Variants in RASGRP1 observed in about 807,000 individuals in gnomAD.
RASGRP1 encodes RAS guanyl releasing protein 1.
In RASGRP1, 37 loss-of-function variants were observed where a neutral mutation model predicts 95.1. The ratio of observed to expected loss-of-function variants is 0.39; its 90% CI spans 0.30 to 0.51. RASGRP1 has a LOEUF of 0.51. Among genes scored for constraint, RASGRP1 ranks in the 20% least tolerant of loss-of-function variants. RASGRP1 has a pLI of 0.80. For synonymous variants in RASGRP1, 325 were observed against 353.4 expected (o/e 0.92, Z 0.90); for missense variants, 711 against 965.4 (o/e 0.74, Z 3.49).
chr15:38,531,598 CCA>C (rs1435519521), intron 2 of RASGRP1, among the ~76,000 whole-genome samples: 1 of 152,078 alleles, frequency 6.6e-6, no homozygotes, highest in Non-Finnish European at 1.5e-5. Flanking sequence ...CACTGCTTTT[CCA>C]CAGTTTCAGT....
rs1336374157 is a variant in RASGRP1, at chr15:38,526,397, A to G, written c.228T>C (p.Asp76=). 69 of 1,612,662 alleles carry G rather than the reference A, an allele frequency of 4.3e-5. No individual in the cohort carries two copies. The highest frequency in any genetic ancestry group is 5.9e-5 in the Non-Finnish European group (69 of 1,179,108). ...GTTGGTTACTTCGACACAGGTTTCC[A>G]TCTGCATCTGAAAATATAAAGAGCA... ...IDSCIQSFDA[D]GNLCRSNQLL... is the part of the protein sequence containing the mutation. Residue 76 remains aspartate (D), a synonymous_variant, in exon 3 of 17, where the codon GAT becomes GAC. Coordinates refer to ENST00000310803, the MANE Select transcript of RASGRP1 (RefSeq NM_005739.4).
intron 14 of RASGRP1, chr15:38,499,216 C>A: frequency 1.7e-6 from 1 of 587,732 alleles, no homozygotes; most frequent in Non-Finnish European, 3.2e-6. Flanking sequence ...CCTGGTATCC[C>A]ATACATTCTG....
chr15:38,512,677 G>T, intron 7 of RASGRP1, 106 bp downstream of exon 7: 1 of 1,388,702 alleles, frequency 7.2e-7, no homozygotes, highest in Non-Finnish European at 9.9e-7. Context: ...CCTCGCCATG[G>T]TTCAGGAGGG....
intron 10 of RASGRP1, 108 bp downstream of exon 10, chr15:38,505,732 A>G: frequency 2.4e-6 from 2 of 846,732 alleles, no homozygotes; most frequent in Non-Finnish European, 1.9e-6. Context: ...TAAGAAAAAC[A>G]GTACATGTAT....
intron 3 of RASGRP1, among the ~76,000 whole-genome samples, chr15:38,526,010 A>G (rs1268259000): frequency 6.6e-6 from 1 of 152,034 alleles, no homozygotes; most frequent in Non-Finnish European, 1.5e-5. Context: ...TATTTTGCAC[A>G]CTCTACAGAA....
intron 9 of RASGRP1, 94 bp downstream of exon 9, chr15:38,507,632 T>A: frequency 7.3e-7 from 1 of 1,370,782 alleles, no homozygotes; most frequent in Non-Finnish European, 9.9e-7. Context: ...ATAGAGCCTT[T>A]ATGAGGACTA....
rs1221602302 is a variant in RASGRP1 at position 38,564,639 on chromosome 15, C to T, written c.-11G>A. 3 of 1,331,584 alleles carry T rather than the reference C, an allele frequency of 2.3e-6. 1 individual carries two copies. In the South Asian group the frequency reaches 6.6e-5, roughly 29 times the overall value. 82.5% of individuals were successfully genotyped at this position (1,331,584 alleles called of 1,614,324 possible). ...GCCCAGGGTGCCCATGGCCGCGGCC[C>T]GCGCTCCCGGTGCCGGCTCACCTAG... On this transcript the variant is annotated 5_prime_UTR_variant, in exon 1 of 17. Transcript: ENST00000310803.
intron 2 of RASGRP1, among the ~76,000 whole-genome samples, chr15:38,528,819 C>T (rs1335774404): frequency 6.6e-6 from 1 of 152,156 alleles, no homozygotes; most frequent in East Asian, 1.9e-4. Flanking sequence ...GTATCTTCAG[C>T]CTTCGCTACC....
chr15:38,520,810 T>TA (rs1345217530), intron 3 of RASGRP1, among the ~76,000 whole-genome samples: 2 of 152,138 alleles, frequency 1.3e-5, no homozygotes, highest in East Asian at 3.8e-4. Context: ...CAAAGTCCCT[T>TA]AAAAATGCTT....
At chr15:38,500,743 C>T (rs992165966) in intron 13 of RASGRP1, among the ~76,000 whole-genome samples, 3 of 152,098 alleles carry the variant, frequency 2.0e-5, no homozygotes, top group Non-Finnish European at 4.4e-5. Context: ...GATATAGAGC[C>T]TTGCATCAGG....
rs192061370 is a variant in RASGRP1, at chr15:38,507,381, T to C, written c.1242+345A>G. On this transcript the variant is annotated intron_variant, in intron 9 of 16. Coordinates refer to ENST00000310803, the MANE Select transcript of RASGRP1 (RefSeq NM_005739.4). ...TTTTTATGAGAGCACATTCATTCTC[T>C]CCATCTGTTACCAAGACTTGTATCC... Among the ~76,000 whole-genome samples, 7 of 152,324 alleles carry C rather than the reference T, an allele frequency of 4.6e-5. No homozygotes were observed. The East Asian group carries it at 9.6e-4, about 21-fold the overall frequency.
In RASGRP1 at chr15:38,564,735, C is replaced by T. The variant is rs1893968682; in HGVS notation, c.-107G>A. ...TGCCGGCTCTCTCCCCCCCGGGCCT[C>T]GTAGCCCCGGCGCCCGCCAGCCCTC... is the stretch of plus-strand genomic sequence containing the variant. On this transcript the variant is annotated 5_prime_UTR_variant, in exon 1 of 17. Transcript: ENST00000310803. 2 of 996,262 alleles carry T rather than the reference C, an allele frequency of 2.0e-6. No homozygotes were observed. Among genetic ancestry groups the T allele is most frequent in the Admixed American group, 4.9e-5 (1 of 20,432 alleles). The allele number at this position is 996,262 out of a possible 1,614,324, so 61.7% of individuals were successfully genotyped here.
intron 2 of RASGRP1, among the ~76,000 whole-genome samples, chr15:38,550,523 C>T (rs1893299407): frequency 6.6e-6 from 1 of 152,178 alleles, no homozygotes; most frequent in Admixed American, 6.5e-5. Context: ...TCATTACCAT[C>T]ATTTCAGTTG....
intron 2 of RASGRP1, among the ~76,000 whole-genome samples, chr15:38,549,772 G>A (rs1893254461): frequency 6.6e-6 from 1 of 151,618 alleles, no homozygotes; most frequent in African/African-American, 2.4e-5. Context: ...CTGCTTGAAG[G>A]CTCTAGTGAG....
intron 2 of RASGRP1, among the ~76,000 whole-genome samples, chr15:38,528,520 C>T (rs895414480): frequency 3.3e-5 from 5 of 152,160 alleles, no homozygotes; most frequent in African/African-American, 1.2e-4. Context: ...GTTGATGACT[C>T]TCTTTCCTGG....
chr15:38,498,975 G>A (rs773342065), intron 14 of RASGRP1, 29 bp from the exon 15 acceptor site: 1 of 1,613,822 alleles, frequency 6.2e-7, no homozygotes, highest in Admixed American at 1.7e-5. Context: ...GGGTCAAGAA[G>A]TCTTTCACTT....
chr15:38,554,473 C>G (rs2141190121), intron 2 of RASGRP1, among the ~76,000 whole-genome samples: 1 of 152,294 alleles, frequency 6.6e-6, no homozygotes, highest in East Asian at 1.9e-4. Context: ...CACTGTCTAA[C>G]TTACGCATAA....
rs375666536 is a variant in RASGRP1, at chr15:38,516,358, G to C, written c.522-8C>G. Reference sequence around the variant, plus strand: ...GACCAGTCACGGGCATTGCTTTTGTGGGTAAATGTGAAAGGGAGAAGACAG... The same window carrying C: ...GACCAGTCACGGGCATTGCTTTTGTCGGTAAATGTGAAAGGGAGAAGACAG... On this transcript the variant is annotated splice_region_variant and splice_polypyrimidine_tract_variant and intron_variant, in intron 5 of 16. Coordinates refer to ENST00000310803, the MANE Select transcript of RASGRP1 (RefSeq NM_005739.4). 211 of 1,607,060 alleles carry C rather than the reference G, an allele frequency of 1.3e-4. 1 individual carries two copies. In the African/African-American group the frequency reaches 2.4e-3, roughly 18 times the overall value.
At chr15:38,518,214 AG>A in intron 5 of RASGRP1, 77 bp downstream of exon 5, 2 of 1,435,534 alleles carry the variant, frequency 1.4e-6, no homozygotes, top group Non-Finnish European at 1.9e-6. Context: ...GCTGGGGGTC[AG>A]AAGCCCAACA....
Sources: gnomAD v4.1 joint callset for allele counts (sites outside exome capture counted in the v4.1 genomes callset) on GRCh38, gnomAD v4.1.1 for gene constraint, MANE v1.5 for transcripts, NCBI Gene and HGNC (gene_info 2026-07-23, HGNC 2026-07-21) for gene names.